MMP17: variants seen among roughly 807,000 people sequenced by gnomAD.
MMP17 encodes matrix metalloproteinase-17.
A neutral mutation model predicts 49.1 loss-of-function variants in MMP17; 54 were observed. That is an observed-to-expected ratio of 1.10 (90% confidence interval 0.88 to 1.38). The LOEUF (loss-of-function observed/expected upper bound fraction) is 1.38, where lower values mean the gene tolerates loss of function less well. MMP17 is among the 40% of genes most tolerant of loss of function. The pLI is 0.00. For synonymous variants in MMP17, 397 were observed against 383.1 expected (o/e 1.04, Z -0.42); for missense variants, 837 against 853.7 (o/e 0.98, Z 0.24).
At chr12:131,840,374 T>C in intron 3 of MMP17, 199 bp from the exon 4 acceptor site, 1 of 552,754 alleles carries the variant, frequency 1.8e-6, no homozygotes, top group Admixed American at 3.2e-5. Flanking sequence ...CTCATTTCCC[T>C]CCCTCCGTCA....
At chr12:131,834,572 C>T (rs1474485332) in intron 1 of MMP17, among the ~76,000 whole-genome samples, 2 of 152,178 alleles carry the variant, frequency 1.3e-5, no homozygotes, top group East Asian at 3.9e-4. Flanking sequence ...CCCACCCCAG[C>T]GGCCATCCTA....
Position 131,844,036 on chromosome 12 carries a change from A to G in MMP17, c.923A>G (p.Glu308Gly). ...ESVSPTAQPE[E>G]PPLLPEPPDN... ...GTGTCTCCCACGGCGCAGCCCGAGG[A>G]GCCTCCCCTGCTGCCGGAGCCCCCA... Residue 308 changes from glutamate (E) to glycine (G), a missense_variant, in exon 6 of 10, where the codon GAG (glutamate) becomes GGG (glycine). Physicochemically the swap from Glu to Gly is moderately conservative, Grantham distance 98. Coordinates refer to ENST00000360564, the MANE Select transcript of MMP17 (RefSeq NM_016155.7). The G allele has an allele frequency of 6.4e-7, 1 of 1,570,756 alleles. No individual in the cohort carries two copies. The highest frequency in any genetic ancestry group is 8.6e-7 in the Non-Finnish European group (1 of 1,160,266).
intron 8 of MMP17, among the ~76,000 whole-genome samples, chr12:131,847,880 C>G (rs1431277609): frequency 6.6e-6 from 1 of 152,152 alleles, no homozygotes; most frequent in Non-Finnish European, 1.5e-5. Flanking sequence ...CCCTGCTCCC[C>G]CTCTGTCCCC....
intron 5 of MMP17, among the ~76,000 whole-genome samples, chr12:131,843,018 T>C (rs1269985005): frequency 1.3e-5 from 2 of 152,050 alleles, no homozygotes; most frequent in East Asian, 3.9e-4. Flanking sequence ...TTTTTTGAGA[T>C]GGAGTCTCAC....
chr12:131,847,715 G>A (rs949973204), intron 8 of MMP17, among the ~76,000 whole-genome samples: 22 of 152,386 alleles, frequency 1.4e-4, no homozygotes, highest in East Asian at 1.9e-4. Flanking sequence ...TCTGAGCCCC[G>A]AGCCGCCCTG....
chr12:131,850,869 T>G (rs1887936322), intron 9 of MMP17, 56 bp from the exon 10 acceptor site: 1 of 1,346,262 alleles, frequency 7.4e-7, no homozygotes, highest in Non-Finnish European at 9.8e-7. Context: ...GCTGTCCGGC[T>G]CGAGCCCCTC....
In MMP17 at chr12:131,850,055, C is replaced by T. The variant is rs755256179; in HGVS notation, c.1458C>T (p.Ser486=). 11 of 1,608,278 alleles carry T rather than the reference C, an allele frequency of 6.8e-6. No homozygotes were observed. Among genetic ancestry groups the T allele is most frequent in the East Asian group, 2.2e-5 (1 of 44,660 alleles). ...CGCTGGACGACGCCATGCGCTGGTC[C>T]GACGGTGAGTGCCAGCTGGGGGGAC... is the stretch of plus-strand genomic sequence containing the variant. ...PSTLDDAMRW[S]DGASYFFRGQ... Residue 486 remains serine (S), a synonymous_variant, in exon 9 of 10, where the codon TCC becomes TCT. Coordinates refer to ENST00000360564, the MANE Select transcript of MMP17 (RefSeq NM_016155.7).
At position 131,851,537 on chromosome 12, in the gene MMP17, C is replaced by T. The variant is rs891958700; in HGVS notation, c.*263C>T. 7 of 385,888 alleles carry T rather than the reference C, an allele frequency of 1.8e-5. No individual in the cohort carries two copies. Among genetic ancestry groups the T allele is most frequent in the Non-Finnish European group, 3.2e-5 (7 of 218,360 alleles). The allele number at this position is 385,888 out of a possible 1,614,324, so 23.9% of individuals were successfully genotyped here. A position where few individuals can be genotyped will look rare whatever the true frequency, so the allele number is the denominator to read the frequency against. On this transcript the variant is annotated 3_prime_UTR_variant, in exon 10 of 10. Transcript: ENST00000360564. ...AGAAGGGTGCCCAGTCAGGCCGCAC[C>T]GCCGCCAGCCTCCTCCGGCCCTGGA...
Position 131,845,156 on chromosome 12 carries a change from T to C in MMP17, c.1007T>C (p.Phe336Ser). Reference sequence around the variant, plus strand: ...GTGCCCCACAGATGCAGCACTCACTTTGACGCGGTGGCCCAGATCCGGGGT... The same window carrying C: ...GTGCCCCACAGATGCAGCACTCACTCTGACGCGGTGGCCCAGATCCGGGGT... The part of the protein sequence containing the change: ...KDVPHRCSTH[F>S]DAVAQIRGEA... The change falls in exon 7 of 10, where the codon TTT becomes TCT. Residue 336 changes from phenylalanine to serine, a missense_variant. By Grantham distance (155) the Phe-to-Ser change is radical. Coordinates refer to ENST00000360564, the MANE Select transcript of MMP17 (RefSeq NM_016155.7). 1.2e-6 allele frequency: 2 copies of C among 1,613,952 alleles called. No individual in the cohort carries two copies. The highest frequency in any genetic ancestry group is 1.7e-6 in the Non-Finnish European group (2 of 1,179,934).
intron 1 of MMP17, among the ~76,000 whole-genome samples, chr12:131,832,318 C>G (rs1192888965): frequency 6.2e-5 from 3 of 48,162 alleles, no homozygotes; most frequent in African/African-American, 8.7e-5. Flanking sequence ...GGGACGGGAA[C>G]GGGGAAGGCT....
At position 131,840,577 on chromosome 12, in the gene MMP17, C is replaced by T. The variant is rs150618864; in HGVS notation, c.427C>T (p.Arg143Trp). The T allele has an allele frequency of 1.6e-4, 251 of 1,585,492 alleles. No homozygotes were observed. The highest frequency in any genetic ancestry group is 2.0e-4 in the Non-Finnish European group (234 of 1,165,252). ...WNKRNLSWRV[R>W]TFPRDSPLGH... ...TGGGCTGACCCCTGCCTGCAGGGTCCGGACGTTCCCACGGGACTCACCACT... is the reference window on the plus strand; with the variant it reads ...TGGGCTGACCCCTGCCTGCAGGGTCTGGACGTTCCCACGGGACTCACCACT... Residue 143 changes from arginine (R) to tryptophan (W), a missense_variant, in exon 4 of 10, where the codon CGG becomes TGG. By Grantham distance (101) the Arg-to-Trp change is moderately radical. Transcript: ENST00000360564.
intron 1 of MMP17, 169 bp from the exon 2 acceptor site, chr12:131,838,026 T>C: frequency 1.2e-6 from 1 of 821,120 alleles, no homozygotes; most frequent in Non-Finnish European, 1.9e-6. Context: ...ATCAGGTTTA[T>C]TAAGACACTT....
Position 131,838,225 on chromosome 12 carries a change from C to G in MMP17, c.190C>G (p.Pro64Ala), listed in dbSNP as rs150305170. 1,075 of 1,613,066 alleles carry G rather than the reference C, an allele frequency of 6.7e-4. 3 individuals are homozygous for G. Among genetic ancestry groups the G allele is most frequent in the Middle Eastern group, 3.0e-3 (18 of 6,044 alleles). The change falls in exon 2 of 10, where the codon CCG (proline) becomes GCG (alanine). Residue 64 changes from proline (P) to alanine (A), a missense_variant. Transcript: ENST00000360564. ...EWLSRFGYLP[P>A]ADPTTGQLQT... is the part of the protein sequence containing the mutation. ...GCTAAGCAGGTTCGGTTACCTGCCCCCGGCTGACCCCACAACAGGGCAGCT... is the reference window on the plus strand; with the variant it reads ...GCTAAGCAGGTTCGGTTACCTGCCCGCGGCTGACCCCACAACAGGGCAGCT...
At chr12:131,835,109 A>C (rs1368974389) in intron 1 of MMP17, among the ~76,000 whole-genome samples, 4 of 152,080 alleles carry the variant, frequency 2.6e-5, no homozygotes, top group Non-Finnish European at 5.9e-5. Context: ...TCCAGCCCCC[A>C]AGACGGCCCC....
At position 131,851,476 on chromosome 12, in the gene MMP17, A is replaced by G; in HGVS notation, c.*202A>G. 2 of 429,542 alleles carry G rather than the reference A, an allele frequency of 4.7e-6. No homozygotes were observed. The highest frequency in any genetic ancestry group is 3.9e-6 in the Non-Finnish European group (1 of 253,312). 26.6% of individuals were successfully genotyped at this position (429,542 alleles called of 1,614,324 possible). A position where few individuals can be genotyped will look rare whatever the true frequency, so the allele number is the denominator to read the frequency against. On this transcript the variant is annotated 3_prime_UTR_variant, in exon 10 of 10. Transcript: ENST00000360564. ...GGACGGAGCTGTCCCCTAGTGAGGG[A>G]CTGTGTTGACTGACGAGCCGAGGGG... is the stretch of plus-strand genomic sequence containing the variant.
chr12:131,830,914 G>GT (rs1020917417), intron 1 of MMP17, among the ~76,000 whole-genome samples: 2 of 152,238 alleles, frequency 1.3e-5, no homozygotes, highest in Non-Finnish European at 2.9e-5. Flanking sequence ...GTGGGCCTGA[G>GT]TTTTTTGTCT....
chr12:131,845,134 C>G lies in MMP17; in HGVS notation c.985C>G (p.Pro329Ala), dbSNP rs376286909. Residue 329 changes from proline to alanine, a missense_variant, in exon 7 of 10, where the codon CCC becomes GCC. Physicochemically the swap from Pro to Ala is conservative, Grantham distance 27 (BLOSUM62 -1). Transcript: ENST00000360564. ...TCCCTGCAGGCCCAGGAAGGACGTG[C>G]CCCACAGATGCAGCACTCACTTTGA... is the stretch of plus-strand genomic sequence containing the variant. Reference protein sequence around the residue: ...RSSAPPRKDVPHRCSTHFDAV... With the variant: ...RSSAPPRKDVAHRCSTHFDAV... 6.2e-7 allele frequency: 1 copy of G among 1,604,176 alleles called. No homozygotes were observed. Among genetic ancestry groups the G allele is most frequent in the African/African-American group, 1.4e-5 (1 of 71,656 alleles).
At position 131,838,715 on chromosome 12, in the gene MMP17, G is replaced by A. The variant is rs776857854; in HGVS notation, c.396G>A (p.Lys132=). Residue 132 remains lysine (K), a synonymous_variant, in exon 3 of 10, where the codon AAG becomes AAA. Coordinates refer to ENST00000360564, the MANE Select transcript of MMP17 (RefSeq NM_016155.7). ...RRRRQAPAPT[K]WNKRNLSWRV... is the part of the protein sequence containing the mutation. ...GACGCCAGGCTCCAGCCCCCACCAA[G>A]TGGAACAAGAGGAACCTGTCGTGGA... 6.3e-7 allele frequency: 1 copy of A among 1,594,836 alleles called. No individual in the cohort carries two copies. Among genetic ancestry groups the A allele is most frequent in the Non-Finnish European group, 8.5e-7 (1 of 1,171,818 alleles).
At chr12:131,838,089 G>T (rs1287049793) in intron 1 of MMP17, 106 bp from the exon 2 acceptor site, 1 of 1,398,032 alleles carries the variant, frequency 7.2e-7, no homozygotes, top group Non-Finnish European at 9.6e-7. Flanking sequence ...GCAGATAGGG[G>T]GCTGGGAGGG....
Sources: allele counts gnomAD v4.1 joint callset (sites outside exome capture counted in the v4.1 genomes callset), GRCh38; gene constraint gnomAD v4.1.1; transcripts MANE v1.5; gene names NCBI Gene and HGNC (gene_info 2026-07-23, HGNC 2026-07-21).